The following RAD51B variants were observed in gnomAD, a reference collection of about 807,000 sequenced individuals.
The protein encoded by RAD51B is RAD51 paralog B.
A neutral mutation model predicts 42.2 loss-of-function variants in RAD51B; 38 were observed. The observed-to-expected ratio is 0.90, with a 90% CI of 0.70 to 1.18. The LOEUF (loss-of-function observed/expected upper bound fraction) is 1.18, where lower values mean the gene tolerates loss of function less well. RAD51B is among the 50% of genes most tolerant of loss of function. The pLI, the probability that RAD51B is intolerant of heterozygous loss-of-function variation, is 0.00. For synonymous variants in RAD51B, 154 were observed against 145.2 expected, an observed-to-expected ratio of 1.06 and a Z score of -0.43; for missense variants, 373 against 400.7, an observed-to-expected ratio of 0.93 and a Z score of 0.59.
At position 67,823,073 on chromosome 14, in the gene RAD51B, G is replaced by A. The variant is rs17515456; in HGVS notation, c.-2-469G>A. ...TAGATAAGTTTTGGAACAGTGCCTG[G>A]TATGTGGTAGGTGCTCCATAAATAT... is the stretch of plus-strand genomic sequence containing the variant. On this transcript the variant is annotated intron_variant, in intron 1 of 10. Transcript: ENST00000471583. Among the ~76,000 whole-genome samples, 441 of 152,334 alleles carry A rather than the reference G, an allele frequency of 2.9e-3. 12 individuals are homozygous for A. In the East Asian group the frequency reaches 0.074, roughly 25 times the overall value.
intron 7 of RAD51B, among the ~76,000 whole-genome samples, chr14:68,130,426 C>A (rs2140673706): frequency 6.6e-6 from 1 of 152,318 alleles, no homozygotes; most frequent in South Asian, 2.1e-4. Flanking sequence ...AAGATAAATT[C>A]ACCAAGATGA....
chr14:68,632,968 C>CTTTTTTTTTTT (rs397852024), intron 10 of RAD51B, among the ~76,000 whole-genome samples: 84 of 59,424 alleles, frequency 1.4e-3, no homozygotes, highest in Non-Finnish European at 1.7e-3. Flanking sequence ...TTTTCTTTTT[C>CTTTTTTTTTTT]TTTTTTTTTT....
chr14:68,043,286 A>G (rs1472855441), intron 7 of RAD51B, among the ~76,000 whole-genome samples: 3 of 152,174 alleles, frequency 2.0e-5, no homozygotes, highest in Non-Finnish European at 4.4e-5. Context: ...AAAACATCCT[A>G]GAGTTATTAT....
intron 7 of RAD51B, among the ~76,000 whole-genome samples, chr14:68,009,881 TTCTA>T (rs2075654964): frequency 6.6e-6 from 1 of 151,960 alleles, no homozygotes; most frequent in Non-Finnish European, 1.5e-5. Flanking sequence ...TCTTAGACTA[TTCTA>T]TCTTATTCTC....
In RAD51B at chr14:67,887,041, A is replaced by C. The variant is rs1453082520; in HGVS notation, c.593A>C (p.Glu198Ala). The C allele has an allele frequency of 2.6e-6, 4 of 1,519,298 alleles. No individual in the cohort carries two copies. The highest frequency in any genetic ancestry group is 3.6e-6 in the Non-Finnish European group (4 of 1,116,356). 94.1% of individuals were successfully genotyped at this position (1,519,298 alleles called of 1,614,324 possible). A position where few individuals can be genotyped will look rare whatever the true frequency, so the allele number is the denominator to read the frequency against. The change falls in exon 7 of 11, where the codon GAA becomes GCA. Residue 198 changes from glutamate (E) to alanine (A), a missense_variant. Transcript: ENST00000471583. ...TATAGGATTGAATCTTTGGAAGAAG[A>C]AATTATCTCAAAAGGAATTAAACTT... is the stretch of plus-strand genomic sequence containing the variant. ...VLQRIESLEE[E>A]IISKGIKLVI...
chr14:68,545,638 C>A (rs2525529), intron 10 of RAD51B: 2 of 455,876 alleles, frequency 4.4e-6, no homozygotes, highest in South Asian at 1.5e-5. Context: ...AGAACGGGGA[C>A]AGGGCATGCC....
chr14:67,898,647 G>A (rs1272978846), intron 7 of RAD51B, among the ~76,000 whole-genome samples: 3 of 152,170 alleles, frequency 2.0e-5, no homozygotes, highest in African/African-American at 4.8e-5. Context: ...GGCATTGACC[G>A]TAGTGATGGT....
chr14:67,824,801 G>A (rs11626778), intron 2 of RAD51B, among the ~76,000 whole-genome samples: 49,071 of 151,232 alleles, frequency 0.32, 8,291 homozygotes, highest in Middle Eastern at 0.45. Context: ...TCTTTCGGCC[G>A]GGCACGGTGG....
chr14:68,377,379 T>C (rs1375359126), intron 8 of RAD51B, among the ~76,000 whole-genome samples: 2 of 152,192 alleles, frequency 1.3e-5, no homozygotes, highest in African/African-American at 4.8e-5. Flanking sequence ...CTAGTTCCTC[T>C]CCAGTTTTTA....
At chr14:68,483,121 TCTA>T (rs1883333652) in intron 10 of RAD51B, among the ~76,000 whole-genome samples, 1 of 152,160 alleles carries the variant, frequency 6.6e-6, no homozygotes, top group African/African-American at 2.4e-5. Context: ...ATACATTCCT[TCTA>T]CTCTCCTGGC....
At chr14:68,384,232 A>G (rs944196901) in intron 8 of RAD51B, among the ~76,000 whole-genome samples, 2 of 152,258 alleles carry the variant, frequency 1.3e-5, no homozygotes, top group Non-Finnish European at 2.9e-5. Context: ...ATTTTAACAA[A>G]GTGCATAAAT....
chr14:68,333,132 G>T (rs966300909), intron 8 of RAD51B, among the ~76,000 whole-genome samples: 2 of 152,176 alleles, frequency 1.3e-5, no homozygotes, highest in Non-Finnish European at 2.9e-5. Flanking sequence ...GAGCCACTCA[G>T]CAGAGTGGTG....
chr14:68,340,581 T>C (rs2064911), intron 8 of RAD51B, among the ~76,000 whole-genome samples: 73,934 of 152,232 alleles, frequency 0.49, 21,220 homozygotes, highest in South Asian at 0.65. Flanking sequence ...ATTCCTTCTG[T>C]AACCTCAGGA....
intron 4 of RAD51B, among the ~76,000 whole-genome samples, chr14:67,837,798 G>A (rs957124780): frequency 1.6e-4 from 25 of 152,016 alleles, no homozygotes; most frequent in African/African-American, 5.8e-4. Flanking sequence ...GTGTGTGTTC[G>A]GAACATCCAA....
chr14:68,119,950 T>G (rs1225520346), intron 7 of RAD51B, among the ~76,000 whole-genome samples: 3 of 151,220 alleles, frequency 2.0e-5, no homozygotes, highest in Non-Finnish European at 4.4e-5. Context: ...GTAAAAGTGT[T>G]CCTATTTCTC....
intron 7 of RAD51B, among the ~76,000 whole-genome samples, chr14:67,936,484 A>ATC (rs1275694046): frequency 4.6e-5 from 7 of 152,190 alleles, no homozygotes; most frequent in African/African-American, 7.2e-5. Context: ...CATTTTGTTT[A>ATC]TCCATTTATC....
At chr14:67,855,244 T>A (rs1278616832) in intron 4 of RAD51B, among the ~76,000 whole-genome samples, 1 of 151,616 alleles carries the variant, frequency 6.6e-6, no homozygotes, top group East Asian at 2.0e-4. Context: ...AGTTCTTTTT[T>A]TTTTGAGACA....
chr14:68,219,995 T>C (rs2079892571), intron 7 of RAD51B, among the ~76,000 whole-genome samples: 1 of 152,026 alleles, frequency 6.6e-6, no homozygotes, highest in African/African-American at 2.4e-5. Context: ...ATAGCATAAA[T>C]AAAAAACTCT....
chr14:67,888,935 G>A (rs1168087669), intron 7 of RAD51B, among the ~76,000 whole-genome samples: 2 of 152,086 alleles, frequency 1.3e-5, no homozygotes, highest in East Asian at 1.9e-4. Flanking sequence ...ACTTAATTCC[G>A]TGCAAAATAA....
Sources: allele counts gnomAD v4.1 joint callset (sites outside exome capture counted in the v4.1 genomes callset), GRCh38; gene constraint gnomAD v4.1.1; transcripts MANE v1.5; gene names NCBI Gene and HGNC (gene_info 2026-07-23, HGNC 2026-07-21).